The following DOCK1 variants were observed in gnomAD, a reference collection of about 807,000 sequenced individuals.
The protein encoded by DOCK1 is dedicator of cytokinesis 1, also known as dedicator of cytokinesis protein 1.
Under a neutral mutation model 262.7 loss-of-function variants are expected in DOCK1, and 138 were observed. The observed-to-expected ratio is 0.53, with a 90% CI of 0.46 to 0.61. The LOEUF is 0.61. Ranked by LOEUF, DOCK1 falls within the 20% of genes least tolerant of loss-of-function variation. DOCK1 has a pLI of 0.00. For synonymous variants in DOCK1, 866 were observed against 867.4 expected, an observed-to-expected ratio of 1.00 and a Z score of 0.03; for missense variants, 1,908 against 2,370.7, an observed-to-expected ratio of 0.80 and a Z score of 4.05.
chr10:126,933,716 A>G (rs2134197249), intron 1 of DOCK1, among the ~76,000 whole-genome samples: 1 of 152,264 alleles, frequency 6.6e-6, no homozygotes, highest in East Asian at 1.9e-4. Flanking sequence ...TCTTTGAGGC[A>G]TTGATGTTTT....
chr10:127,159,613 A>G (rs1589696835), intron 27 of DOCK1, among the ~76,000 whole-genome samples: 1 of 152,278 alleles, frequency 6.6e-6, no homozygotes, highest in East Asian at 1.9e-4. Context: ...CAAAAGAGGG[A>G]ATATATGCAC....
At chr10:127,082,105 T>C (rs1416416566) in intron 23 of DOCK1, among the ~76,000 whole-genome samples, 1 of 152,172 alleles carries the variant, frequency 6.6e-6, no homozygotes, top group Non-Finnish European at 1.5e-5. Context: ...CATGAATGAC[T>C]GTTGGCGCCT....
chr10:127,435,816 G>A (rs1444083473), intron 48 of DOCK1, among the ~76,000 whole-genome samples: 1 of 152,186 alleles, frequency 6.6e-6, no homozygotes, highest in Non-Finnish European at 1.5e-5. Context: ...GCTAACTAAT[G>A]TGGAGAAAAT....
intron 1 of DOCK1, among the ~76,000 whole-genome samples, chr10:126,920,464 G>A (rs1050152798): frequency 6.6e-6 from 1 of 152,168 alleles, no homozygotes; most frequent in Non-Finnish European, 1.5e-5. Context: ...GCTCCCCAGA[G>A]CTTTCGGGTC....
chr10:127,415,991 A>G (rs1051489235), intron 44 of DOCK1, among the ~76,000 whole-genome samples: 2 of 152,170 alleles, frequency 1.3e-5, no homozygotes, highest in Non-Finnish European at 2.9e-5. Context: ...GGCACTTGCC[A>G]TTTAGTTTTC....
chr10:126,941,286 T>C lies in DOCK1; in HGVS notation c.47-29416T>C, dbSNP rs2034959101. 2.6e-5 allele frequency among the ~76,000 whole-genome samples: 4 copies of C among 152,366 alleles called. No homozygotes were observed. In the South Asian group the frequency reaches 8.3e-4, roughly 32 times the overall value. Reference sequence around the variant, plus strand: ...ATCCTGTGGTTATGAGAGGAGATGCTATACTGTGTAAAGAAACCTCTAAAA... The same window carrying C: ...ATCCTGTGGTTATGAGAGGAGATGCCATACTGTGTAAAGAAACCTCTAAAA... On this transcript the variant is annotated intron_variant, in intron 1 of 51. Transcript: ENST00000623213.
At chr10:126,934,306 G>A (rs1354152428) in intron 1 of DOCK1, among the ~76,000 whole-genome samples, 2 of 152,240 alleles carry the variant, frequency 1.3e-5, no homozygotes, top group African/African-American at 2.4e-5. Context: ...AAGGGGCACC[G>A]TTGATGTTGA....
chr10:126,926,873 C>A (rs1564987447), intron 1 of DOCK1, among the ~76,000 whole-genome samples: 1 of 152,214 alleles, frequency 6.6e-6, no homozygotes, highest in South Asian at 2.1e-4. Context: ...TAATTTCTGA[C>A]ATCTGGCCTC....
chr10:126,967,820 CTTTTTG>C (rs2037787523), intron 1 of DOCK1, among the ~76,000 whole-genome samples: 1 of 152,084 alleles, frequency 6.6e-6, no homozygotes, highest in African/African-American at 2.4e-5. Flanking sequence ...CTAATTTTTT[CTTTTTG>C]TTTTTGAGAC....
At chr10:126,932,170 C>T (rs1251742601) in intron 1 of DOCK1, among the ~76,000 whole-genome samples, 1 of 152,162 alleles carries the variant, frequency 6.6e-6, no homozygotes. Flanking sequence ...TTGAAGGAAC[C>T]TCCTGCAGGC....
intron 47 of DOCK1, among the ~76,000 whole-genome samples, chr10:127,429,058 TGTGTGGATTGGGGTAC>T (rs2069094826): frequency 4.6e-5 from 4 of 87,816 alleles, no homozygotes; most frequent in Non-Finnish European, 9.9e-5. Context: ...ATTGGGGTGC[TGTGTGGATTGGGGTAC>T]CATGTGGATT....
At position 127,012,107 on chromosome 10, in the gene DOCK1, G is replaced by A. The variant is rs552934703; in HGVS notation, c.1059-125G>A. Reference sequence around the variant, plus strand: ...TCACCTCTCCCATCCTTTGTCGTGCGTTGACTCATGATGCCTCCCTCTCGC... The same window carrying A: ...TCACCTCTCCCATCCTTTGTCGTGCATTGACTCATGATGCCTCCCTCTCGC... On this transcript the variant is annotated intron_variant, in intron 11 of 51. Coordinates refer to ENST00000623213, the MANE Select transcript of DOCK1 (RefSeq NM_001290223.2). The surrounding 1 kb of genome is among the most constrained non-coding windows in gnomAD (Gnocchi z 4.0). 6.0e-5 allele frequency: 38 copies of A among 633,864 alleles called. No homozygotes were observed. The highest frequency in any genetic ancestry group is 4.4e-4 in the African/African-American group (24 of 54,694). 39.3% of individuals were successfully genotyped at this position (633,864 alleles called of 1,614,324 possible).
chr10:127,017,862 T>C (rs557589016), intron 12 of DOCK1, among the ~76,000 whole-genome samples: 1 of 152,330 alleles, frequency 6.6e-6, no homozygotes, highest in South Asian at 2.1e-4. Flanking sequence ...CTTTGACTTG[T>C]TGGAATGTGT....
chr10:127,206,136 C>CTTTTTTTTTTTTT (rs34450374), intron 27 of DOCK1, among the ~76,000 whole-genome samples: 6 of 78,624 alleles, frequency 7.6e-5, no homozygotes, highest in South Asian at 6.3e-4. Flanking sequence ...TTCTTCTTCT[C>CTTTTTTTTTTTTT]TTTTTTTTTT....
At chr10:126,905,616 G>C (rs971638331) in intron 1 of DOCK1, 53 bp downstream of exon 1, 9 of 287,726 alleles carry the variant, frequency 3.1e-5, no homozygotes, top group African/African-American at 6.8e-5. Context: ...GGCTCCGGCG[G>C]GGCGGGTGTG....
chr10:127,361,240 G>C (rs1175399946), intron 32 of DOCK1, among the ~76,000 whole-genome samples: 1 of 149,918 alleles, frequency 6.7e-6, no homozygotes, highest in Non-Finnish European at 1.5e-5. Flanking sequence ...CAGCCTCCCA[G>C]GTAGCTGGGA....
At chr10:127,316,094 G>A (rs1469783837) in intron 29 of DOCK1, among the ~76,000 whole-genome samples, 1 of 152,134 alleles carries the variant, frequency 6.6e-6, no homozygotes, top group East Asian at 1.9e-4. Context: ...GTAGTGAAGT[G>A]ATGGCTACCT....
At chr10:126,998,449 G>C in intron 8 of DOCK1, 200 bp downstream of exon 8, 1 of 575,388 alleles carries the variant, frequency 1.7e-6, no homozygotes, top group Non-Finnish European at 3.0e-6. Context: ...GAACCTTCTT[G>C]CGTGTAGATT....
At chr10:127,244,106 G>A (rs769784598) in intron 27 of DOCK1, among the ~76,000 whole-genome samples, 1 of 151,778 alleles carries the variant, frequency 6.6e-6, no homozygotes, top group Non-Finnish European at 1.5e-5. Flanking sequence ...TGCTTGACTT[G>A]CCAAATAAAA....
Sources: gnomAD v4.1 joint callset for allele counts (sites outside exome capture counted in the v4.1 genomes callset) on GRCh38, gnomAD v4.1.1 for gene constraint, Gnocchi (gnomAD v3.1) non-coding constraint, MANE v1.5 for transcripts, NCBI Gene and HGNC (gene_info 2026-07-23, HGNC 2026-07-21) for gene names.